Variants in ZNF19 observed in about 807,000 individuals in gnomAD.
ZNF19 encodes zinc finger protein 19, also known as zinc finger protein 19 (KOX 12).
In ZNF19, 11 loss-of-function variants were observed where a neutral mutation model predicts 13.1. That is an observed-to-expected ratio of 0.84 (90% CI 0.53 to 1.39). The LOEUF is 1.39. Among genes scored for constraint, ZNF19 ranks in the 40% most tolerant of loss-of-function variants. The pLI, the probability that ZNF19 is intolerant of heterozygous loss-of-function variation, is 0.00. For synonymous variants in ZNF19, 186 were observed against 187.0 expected, an observed-to-expected ratio of 0.99 and a Z score of 0.04; for missense variants, 560 against 547.0, an observed-to-expected ratio of 1.02 and a Z score of -0.24.
intron 5 of ZNF19, among the ~76,000 whole-genome samples, chr16:71,477,166 G>A (rs1359301380): frequency 2.0e-5 from 3 of 152,192 alleles, no homozygotes; most frequent in Non-Finnish European, 4.4e-5. Flanking sequence ...CTCATGTGAT[G>A]GTTAATCAAG....
At chr16:71,477,963 C>A in intron 5 of ZNF19, 2 of 379,216 alleles carry the variant, frequency 5.3e-6, no homozygotes, top group Non-Finnish European at 4.8e-6. Context: ...AAAAACTGCT[C>A]CTGAATAAAT....
chr16:71,486,704 A>C (rs1046758941), intron 1 of ZNF19, among the ~76,000 whole-genome samples: 4 of 152,170 alleles, frequency 2.6e-5, no homozygotes, highest in Non-Finnish European at 5.9e-5. Context: ...AGCAATAGAA[A>C]ATTAATAGAC....
At chr16:71,485,343 G>A (rs1266263779) in intron 1 of ZNF19, among the ~76,000 whole-genome samples, 2 of 151,812 alleles carry the variant, frequency 1.3e-5, no homozygotes, top group Non-Finnish European at 2.9e-5. Flanking sequence ...CCAGCTACTC[G>A]GGAGGCTGAG....
At chr16:71,480,732 A>G (rs2043631885) in intron 3 of ZNF19, among the ~76,000 whole-genome samples, 1 of 152,212 alleles carries the variant, frequency 6.6e-6, no homozygotes, top group Non-Finnish European at 1.5e-5. Context: ...ACCACTAACT[A>G]GAGCAGTGGT....
intron 3 of ZNF19, among the ~76,000 whole-genome samples, chr16:71,480,045 G>A (rs1246460350): frequency 2.6e-5 from 4 of 151,952 alleles, no homozygotes; most frequent in East Asian, 1.9e-4. Context: ...CGTCTGCCTC[G>A]GCCTCCCAAA....
At position 71,475,465 on chromosome 16, in the gene ZNF19, T is replaced by C; in HGVS notation, c.1082A>G (p.Asp361Gly). The stretch of plus-strand genomic sequence containing the variant: ...CTGAGCACTGAAGGCTTTTCCACAA[T>C]CTACACAGTCAAAGGGTTTCTCCTC... ...HSEEKPFDCV[D>G]CGKAFSAQEQ... Residue 361 changes from aspartate (D) to glycine (G), a missense_variant, in exon 6 of 6, where the codon GAT (aspartate) becomes GGT (glycine). By Grantham distance (94) the Asp-to-Gly change is moderately conservative. Coordinates refer to ENST00000288177, the MANE Select transcript of ZNF19 (RefSeq NM_006961.4). The C allele has an allele frequency of 6.2e-7, 1 of 1,614,242 alleles. No homozygotes were observed. The highest frequency in any genetic ancestry group is 1.3e-5 in the African/African-American group (1 of 75,066).
At position 71,482,070 on chromosome 16, in the gene ZNF19, T is replaced by G; in HGVS notation, c.33+12A>C. On this transcript the variant is annotated intron_variant, in intron 3 of 5. Coordinates refer to ENST00000288177, the MANE Select transcript of ZNF19 (RefSeq NM_006961.4). ...ACCTCCATAGAGCTGACCTCAGGGATCCACAGCTCACCTGGTATTGAGCTT... is the reference window on the plus strand; with the variant it reads ...ACCTCCATAGAGCTGACCTCAGGGAGCCACAGCTCACCTGGTATTGAGCTT... 1 of 1,614,014 alleles carries G rather than the reference T, an allele frequency of 6.2e-7. No homozygotes were observed. The highest frequency in any genetic ancestry group is 8.5e-7 in the Non-Finnish European group (1 of 1,179,928).
intron 3 of ZNF19, among the ~76,000 whole-genome samples, chr16:71,479,432 T>C (rs2043623508): frequency 6.6e-6 from 1 of 152,168 alleles, no homozygotes; most frequent in African/African-American, 2.4e-5. Context: ...AGCCAATCTA[T>C]CTGTTCCCCA....
intron 1 of ZNF19, among the ~76,000 whole-genome samples, chr16:71,485,265 C>A (rs542742902): frequency 6.6e-5 from 10 of 152,140 alleles, no homozygotes; most frequent in Admixed American, 5.2e-4. Context: ...GCCTGGTCAA[C>A]GTGGTGAAAC....
intron 1 of ZNF19, chr16:71,487,171 G>C (rs1365760459): frequency 6.6e-6 from 1 of 152,150 alleles, no homozygotes; most frequent in Admixed American, 6.5e-5. Flanking sequence ...GTTGAATTAT[G>C]ATCTTCAGTG....
chr16:71,485,110 A>T (rs948071905), intron 1 of ZNF19, among the ~76,000 whole-genome samples: 2 of 152,188 alleles, frequency 1.3e-5, no homozygotes, highest in African/African-American at 2.4e-5. Context: ...CTTTGCACAA[A>T]AAAGCTGTCC....
intron 4 of ZNF19, 168 bp from the exon 5 acceptor site, chr16:71,478,509 TA>T (rs763231788): frequency 1.6e-5 from 11 of 707,720 alleles, no homozygotes; most frequent in East Asian, 5.4e-5. Context: ...GACTTCTTCC[TA>T]AAAAAAACAC....
chr16:71,484,587 AC>A lies in ZNF19; in HGVS notation c.-30+1del. On this transcript the variant is annotated splice_donor_variant, in intron 2 of 5. Transcript: ENST00000288177. LOFTEE classifies it low-confidence loss of function (5UTR_SPLICE). ...TCCTAGGCGACAAACCCCAACACTC[AC>A]CTCAGGAAAAACAGAAAGCGGTGCG... The A allele has an allele frequency of 1.4e-5, 14 of 985,216 alleles. No individual in the cohort carries two copies. Among genetic ancestry groups the A allele is most frequent in the Non-Finnish European group, 1.7e-5 (14 of 829,888 alleles). 61.0% of individuals were successfully genotyped at this position (985,216 alleles called of 1,614,324 possible).
Position 71,474,955 on chromosome 16 carries a change from T to C in ZNF19, c.*215A>G. 1 of 587,298 alleles carries C rather than the reference T, an allele frequency of 1.7e-6. No homozygotes were observed. Among genetic ancestry groups the C allele is most frequent in the South Asian group, 2.4e-5 (1 of 42,516 alleles). 36.4% of individuals were successfully genotyped at this position (587,298 alleles called of 1,614,324 possible). A position where few individuals can be genotyped will look rare whatever the true frequency, so the allele number is the denominator to read the frequency against. On this transcript the variant is annotated 3_prime_UTR_variant, in exon 6 of 6. Transcript: ENST00000288177. ...AGAGTCTAGTTCTTCTTCTCAGCATTAAAACCAATGGGGGTGGGCGGGGGG... is the reference window on the plus strand; with the variant it reads ...AGAGTCTAGTTCTTCTTCTCAGCATCAAAACCAATGGGGGTGGGCGGGGGG...
In ZNF19 at chr16:71,478,103, G is replaced by A. The variant is rs1310556127; in HGVS notation, c.274+125C>T. 8 of 657,514 alleles carry A rather than the reference G, an allele frequency of 1.2e-5. No homozygotes were observed. In the East Asian group the frequency reaches 1.4e-4, roughly 11 times the overall value. 40.7% of individuals were successfully genotyped at this position (657,514 alleles called of 1,614,324 possible). ...GTAAGAGTTAAGATTGGTGAGAAAC[G>A]TTTCATATTTTACCTATTAGGTGAA... On this transcript the variant is annotated intron_variant, in intron 5 of 5. Transcript: ENST00000288177.
rs762347896 is a variant in ZNF19 at position 71,476,127 on chromosome 16, G to A, written c.420C>T (p.Asp140=). 7 of 1,614,150 alleles carry A rather than the reference G, an allele frequency of 4.3e-6. No individual in the cohort carries two copies. Among genetic ancestry groups the A allele is most frequent in the Non-Finnish European group, 5.1e-6 (6 of 1,180,020 alleles). Residue 140 remains aspartate, a synonymous_variant, in exon 6 of 6, where the codon GAC becomes GAT. Transcript: ENST00000288177. The stretch of plus-strand genomic sequence containing the variant: ...CTTGGATATTTTTCACTGTGGGGAT[G>A]TCCTGGTGCTTTTCCACATTACGTG... ...PETRNVEKHQ[D]IPTVKNIQGK... is the part of the protein sequence containing the mutation.
chr16:71,482,303 G>A (rs1304070808), intron 2 of ZNF19, 160 bp from the exon 3 acceptor site: 1 of 629,778 alleles, frequency 1.6e-6, no homozygotes, highest in African/African-American at 1.8e-5. Flanking sequence ...CATACCATGA[G>A]GTTTGTAATT....
chr16:71,487,933 A>T (rs2043690509), intron 1 of ZNF19, among the ~76,000 whole-genome samples: 1 of 152,220 alleles, frequency 6.6e-6, no homozygotes, highest in South Asian at 2.1e-4. Flanking sequence ...TTGCAGCTGC[A>T]AACATACTTA....
chr16:71,477,434 C>T (rs2043609866), intron 5 of ZNF19, among the ~76,000 whole-genome samples: 1 of 152,110 alleles, frequency 6.6e-6, no homozygotes, highest in Admixed American at 6.5e-5. Context: ...AAACCACCTG[C>T]ACTGAAACTC....
Sources: allele counts gnomAD v4.1 joint callset (sites outside exome capture counted in the v4.1 genomes callset), GRCh38; gene constraint gnomAD v4.1.1; transcripts MANE v1.5; gene names NCBI Gene and HGNC (gene_info 2026-07-23, HGNC 2026-07-21).